The following WWC2 variants were observed in gnomAD, a reference collection of about 807,000 sequenced individuals.
WWC2 encodes WW and C2 domain containing 2.
WWC2 carries 101 observed loss-of-function variants against 138.5 expected under a neutral mutation model. The observed-to-expected ratio is 0.73, with a 90% CI of 0.62 to 0.86. WWC2 has a LOEUF of 0.86. WWC2 is among the 40% of genes least tolerant of loss of function. The probability of loss-of-function intolerance (pLI) is 0.00; values close to 1 mark genes in which losing one functional copy is unlikely to be tolerated. For missense variants in WWC2, 1,420 were observed against 1,419.4 expected (o/e 1.00, Z -0.01); for synonymous variants, 558 against 538.4 (o/e 1.04, Z -0.50).
At chr4:183,286,958 G>T (rs755049117) in intron 20 of WWC2, among the ~76,000 whole-genome samples, 20 of 152,310 alleles carry the variant, frequency 1.3e-4, no homozygotes, top group Non-Finnish European at 2.2e-4. Context: ...GGGTGGGGGT[G>T]TGATGGATAC....
At chr4:183,250,106 C>T (rs1356630554) in intron 8 of WWC2, 113 bp downstream of exon 8, 7 of 961,212 alleles carry the variant, frequency 7.3e-6, no homozygotes, top group Non-Finnish European at 1.1e-5. Context: ...TTACCAAGGC[C>T]ACCCTTCGGT....
At chr4:183,202,592 G>A (rs1194949872) in intron 2 of WWC2, among the ~76,000 whole-genome samples, 8 of 152,170 alleles carry the variant, frequency 5.3e-5, no homozygotes, top group African/African-American at 9.7e-5. Context: ...TAAAGGAAGA[G>A]GGAGCAGAGT....
At chr4:183,230,463 G>A (rs1181241310) in intron 4 of WWC2, among the ~76,000 whole-genome samples, 2 of 152,194 alleles carry the variant, frequency 1.3e-5, no homozygotes, top group Non-Finnish European at 2.9e-5. Context: ...GATCACTTGA[G>A]GTCAGGAGTT....
intron 19 of WWC2, 67 bp from the exon 20 acceptor site, chr4:183,285,900 A>T: frequency 7.0e-7 from 1 of 1,436,260 alleles, no homozygotes; most frequent in South Asian, 1.2e-5. Flanking sequence ...AAATGTCTCA[A>T]TCCCAAACTT....
At chr4:183,302,829 C>T (rs9312313) in intron 21 of WWC2, among the ~76,000 whole-genome samples, 37,074 of 151,988 alleles carry the variant, frequency 0.24, 5,279 homozygotes, top group Middle Eastern at 0.42. Context: ...TGTGTGAGGC[C>T]GAGACGGGTA....
At chr4:183,109,246 G>T (rs1409209996) in intron 1 of WWC2, among the ~76,000 whole-genome samples, 1 of 152,124 alleles carries the variant, frequency 6.6e-6, no homozygotes, top group Non-Finnish European at 1.5e-5. Context: ...ACTAAATGTG[G>T]TTCACAAAGC....
At chr4:183,228,855 A>G (rs1427615444) in intron 4 of WWC2, among the ~76,000 whole-genome samples, 1 of 151,996 alleles carries the variant, frequency 6.6e-6, no homozygotes, top group African/African-American at 2.4e-5. Context: ...TAATGGATGA[A>G]TGCATTGTGT....
Position 183,260,975 on chromosome 4 carries a change from GCT to G in WWC2, c.1357_1358del (p.Leu453GlufsTer23). 1 of 1,613,926 alleles carries G rather than the reference GCT, an allele frequency of 6.2e-7. No homozygotes were observed. Among genetic ancestry groups the G allele is most frequent in the South Asian group, 1.1e-5 (1 of 91,066 alleles). On this transcript the variant is annotated frameshift_variant, in exon 11 of 23. Transcript: ENST00000403733. LOFTEE classifies it high-confidence loss of function. ...CTGGGTTCCCTGGCATCGAGTCGGG[GCT>G]CTCTGAACACCTCCAGCAGAGGGTC...
In WWC2 at chr4:183,208,166, G is replaced by C; in HGVS notation, c.445+10G>C. The C allele has an allele frequency of 6.2e-7, 1 of 1,613,108 alleles. No individual in the cohort carries two copies. ...AGTTCTCACACAAGCTGTAAGTACA[G>C]TGTGGCTATTCAGACTTTGGAAGTG... On this transcript the variant is annotated intron_variant, in intron 3 of 22. Transcript: ENST00000403733.
chr4:183,312,354 A>G lies in WWC2; in HGVS notation c.3398A>G (p.Lys1133Arg). Residue 1133 changes from lysine (K) to arginine (R), a missense_variant, in exon 22 of 23, where the codon AAA becomes AGA. By Grantham distance (26) the Lys-to-Arg change is conservative. Coordinates refer to ENST00000403733, the MANE Select transcript of WWC2 (RefSeq NM_024949.6). ...TCCCTTTTCCAGGCTGAACAGTCCA[A>G]AGAAGAGCAGAAGCAAGGTCTGAAT... is the stretch of plus-strand genomic sequence containing the variant. ...KQAEKQAEQS[K>R]EEQKQGLNAE... 1 of 1,613,468 alleles carries G rather than the reference A, an allele frequency of 6.2e-7. No homozygotes were observed. Among genetic ancestry groups the G allele is most frequent in the Non-Finnish European group, 8.5e-7 (1 of 1,179,576 alleles).
intron 1 of WWC2, among the ~76,000 whole-genome samples, chr4:183,122,476 A>C (rs1305576013): frequency 6.6e-6 from 1 of 152,228 alleles, no homozygotes; most frequent in African/African-American, 2.4e-5. Context: ...AAATGTTTGC[A>C]TATAATCAGT....
chr4:183,215,745 T>C (rs1382012863), intron 4 of WWC2, among the ~76,000 whole-genome samples: 1 of 152,212 alleles, frequency 6.6e-6, no homozygotes, highest in African/African-American at 2.4e-5. Flanking sequence ...TCACTGGCAC[T>C]GTGTTGTTGA....
Position 183,261,162 on chromosome 4 carries a change from C to G in WWC2, c.1539C>G (p.Ser513=). 1 of 1,613,820 alleles carries G rather than the reference C, an allele frequency of 6.2e-7. No homozygotes were observed. The highest frequency in any genetic ancestry group is 8.5e-7 in the Non-Finnish European group (1 of 1,179,828). ...TCCATGAAAACGAGGTGGTCAAGTCCCCTAGCCAGCCTGGCCAGAGTGGAC... is the reference window on the plus strand; with the variant it reads ...TCCATGAAAACGAGGTGGTCAAGTCGCCTAGCCAGCCTGGCCAGAGTGGAC... ...TTIHENEVVK[S]PSQPGQSGLC... Residue 513 remains serine, a synonymous_variant, in exon 11 of 23, where the codon TCC becomes TCG. Transcript: ENST00000403733.
At position 183,283,978 on chromosome 4, in the gene WWC2, C is replaced by T. The variant is rs182563454; in HGVS notation, c.2884-248C>T. 4.6e-3 allele frequency among the ~76,000 whole-genome samples: 697 copies of T among 152,270 alleles called. 4 individuals carry two copies. The highest frequency in any genetic ancestry group is 0.016 in the African/African-American group (656 of 41,558). Reference sequence around the variant, plus strand: ...TGGTGCTTGTTGGACAGATATCACACGGCCTGCTGTGCAGAACTTCCTAAG... The same window carrying T: ...TGGTGCTTGTTGGACAGATATCACATGGCCTGCTGTGCAGAACTTCCTAAG... On this transcript the variant is annotated intron_variant, in intron 18 of 22. Transcript: ENST00000403733.
chr4:183,308,059 G>T (rs1198222837), intron 21 of WWC2, among the ~76,000 whole-genome samples: 1 of 152,078 alleles, frequency 6.6e-6, no homozygotes, highest in Non-Finnish European at 1.5e-5. Context: ...ATATACAAAA[G>T]TTAATCACTT....
rs886126913 is a variant in WWC2, at chr4:183,317,704, T to C, written c.*1975T>C. ...TTAATATATAGTTTGATTCTGGCCA[T>C]TTTAAATATTTGACACAGAAGAGAC... On this transcript the variant is annotated 3_prime_UTR_variant, in exon 23 of 23. Transcript: ENST00000403733. 2.0e-5 allele frequency: 3 copies of C among 152,480 alleles called. No individual in the cohort carries two copies. The highest frequency in any genetic ancestry group is 4.4e-5 in the Non-Finnish European group (3 of 68,028). The allele number at this position is 152,480 out of a possible 1,614,324, so 9.4% of individuals were successfully genotyped here. A position where few individuals can be genotyped will look rare whatever the true frequency, so the allele number is the denominator to read the frequency against.
chr4:183,286,413 G>A (rs1738255572), intron 20 of WWC2, among the ~76,000 whole-genome samples: 1 of 152,076 alleles, frequency 6.6e-6, no homozygotes. Context: ...TGTGGGAAGG[G>A]GTGTAAGACC....
chr4:183,245,354 C>T, intron 5 of WWC2, 62 bp from the exon 6 acceptor site: 1 of 1,348,672 alleles, frequency 7.4e-7, no homozygotes, highest in Non-Finnish European at 9.6e-7. Context: ...ACTTCCTACT[C>T]TCTGTTTAAC....
Position 183,253,763 on chromosome 4 carries a change from C to T in WWC2, c.960C>T (p.Ala320=), listed in dbSNP as rs750816183. ...LQYEEAKRSM[A]NLKIELSKLD... ...TCTATCTTTTTTTTTTTAGTATGGC[C>T]AACTTAAAAATTGAACTGTCAAAAT... is the stretch of plus-strand genomic sequence containing the variant. Residue 320 remains alanine (A), a synonymous_variant, in exon 9 of 23, where the codon GCC becomes GCT. Coordinates refer to ENST00000403733, the MANE Select transcript of WWC2 (RefSeq NM_024949.6). 4.4e-6 allele frequency: 7 copies of T among 1,606,096 alleles called. No homozygotes were observed. In the East Asian group the frequency reaches 1.6e-4, roughly 36 times the overall value.
Sources: gnomAD v4.1 joint callset for allele counts (sites outside exome capture counted in the v4.1 genomes callset) on GRCh38, gnomAD v4.1.1 for gene constraint, MANE v1.5 for transcripts, NCBI Gene and HGNC (gene_info 2026-07-23, HGNC 2026-07-21) for gene names.